Variants in AGAP1 observed in about 807,000 individuals in gnomAD.
The protein encoded by AGAP1 is ArfGAP with GTPase domain, ankyrin repeat and PH domain 1.
In AGAP1, 29 loss-of-function variants were observed where a neutral mutation model predicts 105.3. That is an observed-to-expected ratio of 0.28 (90% confidence interval 0.21 to 0.38). The LOEUF (loss-of-function observed/expected upper bound fraction) is 0.38, where lower values mean the gene tolerates loss of function less well. Among genes scored for constraint, AGAP1 ranks in the 10% least tolerant of loss-of-function variants. The pLI is 1.00. For synonymous variants in AGAP1, 509 were observed against 485.9 expected (o/e 1.05, Z -0.63); for missense variants, 998 against 1,165.1 (o/e 0.86, Z 2.09).
At chr2:235,778,519 C>T (rs983999368) in intron 6 of AGAP1, among the ~76,000 whole-genome samples, 4 of 142,804 alleles carry the variant, frequency 2.8e-5, no homozygotes, top group African/African-American at 4.9e-5. Context: ...CTCACTCACT[C>T]GCTCCTTATC....
intron 1 of AGAP1, chr2:235,670,336 C>T (rs1302196228): frequency 4.1e-6 from 2 of 488,632 alleles, no homozygotes; most frequent in Non-Finnish European, 3.6e-6. Context: ...CGGAGGGCGC[C>T]GAGGAACCGG....
rs1032133653 is a variant in AGAP1, at chr2:235,960,698, A to T, written c.1484-7764A>T. 1.3e-5 allele frequency among the ~76,000 whole-genome samples: 2 copies of T among 152,180 alleles called. No homozygotes were observed. The highest frequency in any genetic ancestry group is 4.8e-5 in the African/African-American group (2 of 41,446). ...TTGATAGGCATTCTCTTCACTCTAG[A>T]AATCAGCCCCGTGGGACAGGGGTCT... On this transcript the variant is annotated intron_variant, in intron 12 of 17. Transcript: ENST00000304032. The surrounding 1 kb of genome is among the most constrained non-coding windows in gnomAD (Gnocchi z 4.9).
rs1013708504 is a variant in AGAP1 at position 235,721,252 on chromosome 2, C to T, written c.310+3608C>T. 2.0e-4 allele frequency among the ~76,000 whole-genome samples: 31 copies of T among 152,210 alleles called. No homozygotes were observed. Among genetic ancestry groups the T allele is most frequent in the Non-Finnish European group, 3.1e-4 (21 of 68,036 alleles). ...TGAACTCCTGACCTTAAGTGATCCA[C>T]CTGCCTGGGCCTCCCAAAGTGCTGG... On this transcript the variant is annotated intron_variant, in intron 3 of 17. Transcript: ENST00000304032. The surrounding 1 kb of genome is among the most constrained non-coding windows in gnomAD (Gnocchi z 4.5).
chr2:236,069,594 T>C (rs984191108), intron 16 of AGAP1, among the ~76,000 whole-genome samples: 2 of 152,134 alleles, frequency 1.3e-5, no homozygotes, highest in African/African-American at 2.4e-5. Flanking sequence ...TGGCTAACTT[T>C]TGTATTTTTA....
chr2:236,104,605 C>T lies in AGAP1; in HGVS notation c.2115-15587C>T, dbSNP rs568993447. On this transcript the variant is annotated intron_variant, in intron 16 of 17. Transcript: ENST00000304032. This position sits in a 1 kb window ranked among gnomAD's most constrained non-coding sequence, Gnocchi z 4.7. ...AACTTGGGTTACAAAGACAAGCGTG[C>T]ACAGGCCAGGCGCGGTGGCTCATGC... Among the ~76,000 whole-genome samples, 71 of 152,116 alleles carry T rather than the reference C, an allele frequency of 4.7e-4. No homozygotes were observed. The highest frequency in any genetic ancestry group is 1.2e-3 in the Admixed American group (19 of 15,274).
intron 13 of AGAP1, among the ~76,000 whole-genome samples, chr2:236,031,363 A>C (rs1440298761): frequency 6.6e-6 from 1 of 152,198 alleles, no homozygotes; most frequent in East Asian, 1.9e-4. Context: ...AGAAGATGGC[A>C]GGCACGCCAC....
intron 1 of AGAP1, among the ~76,000 whole-genome samples, chr2:235,618,125 C>T (rs894269065): frequency 6.6e-6 from 1 of 152,014 alleles, no homozygotes; most frequent in Non-Finnish European, 1.5e-5. Flanking sequence ...GTCTTGGGCG[C>T]GTGCAGTTTT....
Position 235,793,364 on chromosome 2 carries a change from T to C in AGAP1, c.674-4395T>C, listed in dbSNP as rs1290162394. 1.3e-5 allele frequency among the ~76,000 whole-genome samples: 2 copies of C among 152,126 alleles called. No homozygotes were observed. The highest frequency in any genetic ancestry group is 4.8e-5 in the African/African-American group (2 of 41,412). On this transcript the variant is annotated intron_variant, in intron 6 of 17. Coordinates refer to ENST00000304032, the MANE Select transcript of AGAP1 (RefSeq NM_001037131.3). The surrounding 1 kb of genome is among the most constrained non-coding windows in gnomAD (Gnocchi z 5.3). ...TTCAGCATTTTGTTTAGTTACCCAA[T>C]CCATTTCATTTAGTCACCCAAGTAG...
chr2:235,844,531 G>C (rs1286458655), intron 9 of AGAP1, among the ~76,000 whole-genome samples: 2 of 152,274 alleles, frequency 1.3e-5, no homozygotes, highest in East Asian at 3.9e-4. Context: ...CTGCAGACTA[G>C]AAATAGTCCC....
At chr2:235,529,873 G>T (rs1942983531) in intron 1 of AGAP1, among the ~76,000 whole-genome samples, 1 of 152,202 alleles carries the variant, frequency 6.6e-6, no homozygotes, top group Admixed American at 6.5e-5. Flanking sequence ...GCTGGGCAAA[G>T]GCAGTGTCCA....
intron 1 of AGAP1, among the ~76,000 whole-genome samples, chr2:235,676,480 C>A (rs78590006): frequency 6.6e-5 from 10 of 152,268 alleles, no homozygotes; most frequent in African/African-American, 2.4e-4. Context: ...GAAGGCCTCA[C>A]AGAGGGGCAA....
rs1019064411 is a variant in AGAP1 at position 235,535,345 on chromosome 2, C to T, written c.163+40496C>T. On this transcript the variant is annotated intron_variant, in intron 1 of 17. Transcript: ENST00000304032. The surrounding 1 kb of genome is among the most constrained non-coding windows in gnomAD (Gnocchi z 5.1). ...CAAGAAAATGAAGTACTGCATGCGA[C>T]GAGCAAGTTTATTGAAGAGGGTGTG... Among the ~76,000 whole-genome samples the T allele has an allele frequency of 1.3e-5, 2 of 152,152 alleles. No individual in the cohort carries two copies.
chr2:235,647,053 G>A (rs1167234310), intron 1 of AGAP1, among the ~76,000 whole-genome samples: 2 of 151,456 alleles, frequency 1.3e-5, no homozygotes, highest in Non-Finnish European at 1.5e-5. Flanking sequence ...GGAGAATGGC[G>A]TGAACCTGGG....
In AGAP1 at chr2:235,555,550, C is replaced by T. The variant is rs773548948; in HGVS notation, c.163+60701C>T. Among the ~76,000 whole-genome samples, 3 of 152,342 alleles carry T rather than the reference C, an allele frequency of 2.0e-5. No individual in the cohort carries two copies. The highest frequency in any genetic ancestry group is 1.9e-4 in the East Asian group (1 of 5,188). On this transcript the variant is annotated intron_variant, in intron 1 of 17. Coordinates refer to ENST00000304032, the MANE Select transcript of AGAP1 (RefSeq NM_001037131.3). This position sits in a 1 kb window ranked among gnomAD's most constrained non-coding sequence, Gnocchi z 5.1. ...GCTTATGTCATGTTCCCTCTGCCAC[C>T]GCCAGCTGTCCTGCAGCAGGAAGAG...
chr2:235,673,501 T>C (rs1204160822), intron 1 of AGAP1, among the ~76,000 whole-genome samples: 1 of 152,182 alleles, frequency 6.6e-6, no homozygotes, highest in Non-Finnish European at 1.5e-5. Context: ...GGTGGCGCCC[T>C]TTAGTAACAC....
Position 236,090,464 on chromosome 2 carries a change from A to T in AGAP1, c.2115-29728A>T, listed in dbSNP as rs972171568. Among the ~76,000 whole-genome samples, 7 of 152,210 alleles carry T rather than the reference A, an allele frequency of 4.6e-5. No homozygotes were observed. The highest frequency in any genetic ancestry group is 1.7e-4 in the African/African-American group (7 of 41,454). ...TTAGAGGCATTTTATCTTTTTAAAT[A>T]ATTTCCAAATGTGCCCCAAAGAGAC... On this transcript the variant is annotated intron_variant, in intron 16 of 17. Transcript: ENST00000304032. The surrounding 1 kb of genome is among the most constrained non-coding windows in gnomAD (Gnocchi z 4.3).
rs183601445 is a variant in AGAP1 at position 235,653,795 on chromosome 2, G to A, written c.164-55384G>A. Among the ~76,000 whole-genome samples, 362 of 152,336 alleles carry A rather than the reference G, an allele frequency of 2.4e-3. 4 individuals are homozygous for A. The highest frequency in any genetic ancestry group is 8.2e-3 in the African/African-American group (340 of 41,588). ...ATCCAGGCTGGGCACAGTGGCTCAC[G>A]CCTATAATCACAACACTTTGGATGG... is the stretch of plus-strand genomic sequence containing the variant. On this transcript the variant is annotated intron_variant, in intron 1 of 17. Transcript: ENST00000304032.
intron 1 of AGAP1, chr2:235,670,919 C>A: frequency 7.5e-7 from 1 of 1,338,406 alleles, no homozygotes; most frequent in South Asian, 2.0e-5. Context: ...CATCTTCGCG[C>A]GCAGGGACGG....
At chr2:235,781,837 C>A (rs1364488260) in intron 6 of AGAP1, among the ~76,000 whole-genome samples, 1 of 152,068 alleles carries the variant, frequency 6.6e-6, no homozygotes, top group Non-Finnish European at 1.5e-5. Context: ...TAAATAATCT[C>A]ATCAGAGGCC....
Sources: gnomAD v4.1 joint callset for allele counts (sites outside exome capture counted in the v4.1 genomes callset) on GRCh38, gnomAD v4.1.1 for gene constraint, Gnocchi (gnomAD v3.1) non-coding constraint, MANE v1.5 for transcripts, NCBI Gene and HGNC (gene_info 2026-07-23, HGNC 2026-07-21) for gene names.